Variants in POLR2C observed in about 807,000 individuals in gnomAD.
POLR2C encodes DNA-directed RNA polymerase II subunit RPB3.
In POLR2C, 36 loss-of-function variants were observed where a neutral mutation model predicts 41.7. The ratio of observed to expected loss-of-function variants is 0.86; its 90% CI spans 0.66 to 1.14. The LOEUF (loss-of-function observed/expected upper bound fraction) is 1.14. Ranked by LOEUF, POLR2C falls within the 50% of genes most tolerant of loss-of-function variation. The pLI, the probability that POLR2C is intolerant of heterozygous loss-of-function variation, is 0.00. For missense variants in POLR2C, 260 were observed against 350.4 expected, an observed-to-expected ratio of 0.74 and a Z score of 2.06; for synonymous variants, 133 against 137.8, an observed-to-expected ratio of 0.96 and a Z score of 0.25.
chr16:57,463,679 C>G (rs564070579), intron 2 of POLR2C: 1 of 452,710 alleles, frequency 2.2e-6, no homozygotes, highest in East Asian at 7.1e-5. Context: ...AGGCCGCGCT[C>G]GCGCCTGTAA....
chr16:57,462,900 G>A, intron 1 of POLR2C, 90 bp downstream of exon 1: 1 of 1,154,242 alleles, frequency 8.7e-7, no homozygotes, highest in Non-Finnish European at 1.3e-6. Context: ...GTGTAGTGGG[G>A]TGGGGTGGGG....
At position 57,471,788 on chromosome 16, in the gene POLR2C, C is replaced by A; in HGVS notation, c.*669C>A. 6.6e-6 allele frequency: 1 copy of A among 151,062 alleles called. No homozygotes were observed. Among genetic ancestry groups the A allele is most frequent in the South Asian group, 2.1e-4 (1 of 4,832 alleles). The allele number at this position is 151,062 out of a possible 1,614,324, so 9.4% of individuals were successfully genotyped here. ...GGAAGCAGCCGCAGGAGCAAGGGCCCCTCCCACATACACAGGAGGAGTATT... is the reference window on the plus strand; with the variant it reads ...GGAAGCAGCCGCAGGAGCAAGGGCCACTCCCACATACACAGGAGGAGTATT... On this transcript the variant is annotated 3_prime_UTR_variant, in exon 9 of 9. Coordinates refer to ENST00000219252, the MANE Select transcript of POLR2C (RefSeq NM_032940.3).
chr16:57,471,154 C>T lies in POLR2C; in HGVS notation c.*35C>T. On this transcript the variant is annotated 3_prime_UTR_variant, in exon 9 of 9. Coordinates refer to ENST00000219252, the MANE Select transcript of POLR2C (RefSeq NM_032940.3). ...GCCTGCTTCAGCAAAAACGGAGATT[C>T]AGGCCAGCAGCTGGATATGGGGGTC... is the stretch of plus-strand genomic sequence containing the variant. 4 of 1,596,262 alleles carry T rather than the reference C, an allele frequency of 2.5e-6. No homozygotes were observed. The highest frequency in any genetic ancestry group is 3.4e-6 in the Non-Finnish European group (4 of 1,164,566).
chr16:57,464,719 C>A (rs1248888259), intron 2 of POLR2C, among the ~76,000 whole-genome samples: 1 of 144,640 alleles, frequency 6.9e-6, no homozygotes, highest in Non-Finnish European at 1.5e-5. Context: ...GGACCTCCCC[C>A]TGCCTAAGCA....
At chr16:57,462,973 G>T in intron 1 of POLR2C, 56 bp from the exon 2 acceptor site, 1 of 1,525,588 alleles carries the variant, frequency 6.6e-7, no homozygotes, top group Non-Finnish European at 9.1e-7. Context: ...CTGCGGCGCG[G>T]GCCCAGCCTG....
At chr16:57,463,368 C>A in intron 2 of POLR2C, 2 of 554,438 alleles carry the variant, frequency 3.6e-6, no homozygotes. Flanking sequence ...ACTATTGTTA[C>A]AAAAGTTTTT....
chr16:57,465,323 T>C (rs543956110), intron 2 of POLR2C, among the ~76,000 whole-genome samples: 19 of 152,298 alleles, frequency 1.2e-4, no homozygotes, highest in Non-Finnish European at 1.5e-4. Flanking sequence ...CTGGATTTAG[T>C]TGGTTCCATG....
intron 2 of POLR2C, chr16:57,464,119 C>T (rs2030648177): frequency 6.4e-6 from 1 of 155,204 alleles, no homozygotes; most frequent in African/African-American, 2.4e-5. Flanking sequence ...ACTAATGATC[C>T]TTATCAGGGT....
intron 4 of POLR2C, among the ~76,000 whole-genome samples, chr16:57,468,470 G>C (rs1039077485): frequency 6.6e-6 from 1 of 152,154 alleles, no homozygotes; most frequent in South Asian, 2.1e-4. Flanking sequence ...TTTCCTCACT[G>C]GTGTGAGGGA....
At position 57,469,741 on chromosome 16, in the gene POLR2C, A is replaced by G. The variant is rs1380523447; in HGVS notation, c.419A>G (p.Asn140Ser). 4.3e-6 allele frequency: 7 copies of G among 1,614,042 alleles called. No individual in the cohort carries two copies. Among genetic ancestry groups the G allele is most frequent in the Non-Finnish European group, 4.2e-6 (5 of 1,179,896 alleles). The change falls in exon 6 of 9, where the codon AAT (asparagine) becomes AGT (serine). Residue 140 changes from asparagine (N) to serine (S), a missense_variant. Coordinates refer to ENST00000219252, the MANE Select transcript of POLR2C (RefSeq NM_032940.3). The surrounding 1 kb of genome is among the most constrained non-coding windows in gnomAD (Gnocchi z 5.8). ...VTSRNRDNDP[N>S]DYVEQDDILI... ...TCCCGGAACCGAGATAATGACCCCA[A>G]TGACTACGTGGAGCAGGATGGTAAG... is the stretch of plus-strand genomic sequence containing the variant.
Position 57,467,641 on chromosome 16 carries a change from T to C in POLR2C, c.258+1414T>C, listed in dbSNP as rs186759775. Among the ~76,000 whole-genome samples, 8 of 152,030 alleles carry C rather than the reference T, an allele frequency of 5.3e-5. No individual in the cohort carries two copies. The East Asian group carries it at 1.5e-3, about 29-fold the overall frequency. ...TTTTACATTTGCTTTATTTTTCATATGCAAATTGTTATTTTTGCTGAACTG... is the reference window on the plus strand; with the variant it reads ...TTTTACATTTGCTTTATTTTTCATACGCAAATTGTTATTTTTGCTGAACTG... On this transcript the variant is annotated intron_variant, in intron 4 of 8. Transcript: ENST00000219252.
intron 8 of POLR2C, 24 bp from the exon 9 acceptor site, chr16:57,470,951 A>G (rs2030820428): frequency 6.2e-7 from 1 of 1,610,690 alleles, no homozygotes. Context: ...CTCGCAGTGC[A>G]CTCACTGGAC....
At chr16:57,464,673 C>A (rs1462810281) in intron 2 of POLR2C, among the ~76,000 whole-genome samples, 1 of 133,502 alleles carries the variant, frequency 7.5e-6, no homozygotes, top group African/African-American at 2.7e-5. Context: ...CACCCCCCCG[C>A]CCCCCAGTCA....
intron 2 of POLR2C, among the ~76,000 whole-genome samples, chr16:57,464,217 A>G (rs574789737): frequency 1.3e-5 from 2 of 152,292 alleles, no homozygotes; most frequent in Admixed American, 6.5e-5. Flanking sequence ...TTATTAATCT[A>G]TTCCTTCAAC....
chr16:57,471,988 A>G lies in POLR2C; in HGVS notation c.*869A>G, dbSNP rs1187224502. ...TTTTTAAAAGTGTTTATTTTTGGCA[A>G]TAAAGAGCACAACATAATCTCCTTC... On this transcript the variant is annotated 3_prime_UTR_variant, in exon 9 of 9. Transcript: ENST00000219252. 2 of 152,772 alleles carry G rather than the reference A, an allele frequency of 1.3e-5. No individual in the cohort carries two copies. The highest frequency in any genetic ancestry group is 2.9e-5 in the Non-Finnish European group (2 of 68,040). 9.5% of individuals were successfully genotyped at this position (152,772 alleles called of 1,614,324 possible).
At position 57,471,155 on chromosome 16, in the gene POLR2C, A is replaced by G. The variant is rs1364672355; in HGVS notation, c.*36A>G. 6.3e-7 allele frequency: 1 copy of G among 1,596,748 alleles called. No homozygotes were observed. The highest frequency in any genetic ancestry group is 8.6e-7 in the Non-Finnish European group (1 of 1,164,882). Reference sequence around the variant, plus strand: ...CCTGCTTCAGCAAAAACGGAGATTCAGGCCAGCAGCTGGATATGGGGGTCT... The same window carrying G: ...CCTGCTTCAGCAAAAACGGAGATTCGGGCCAGCAGCTGGATATGGGGGTCT... On this transcript the variant is annotated 3_prime_UTR_variant, in exon 9 of 9. Coordinates refer to ENST00000219252, the MANE Select transcript of POLR2C (RefSeq NM_032940.3).
intron 4 of POLR2C, among the ~76,000 whole-genome samples, chr16:57,466,770 C>T (rs962873901): frequency 6.6e-6 from 1 of 152,088 alleles, no homozygotes; most frequent in East Asian, 1.9e-4. Context: ...GGATAGGAGT[C>T]GGTTACCTTC....
intron 1 of POLR2C, 21 bp from the exon 2 acceptor site, chr16:57,463,008 C>T (rs1247936598): frequency 1.2e-6 from 2 of 1,610,860 alleles, no homozygotes; most frequent in Admixed American, 1.7e-5. Flanking sequence ...CCTTCACGCC[C>T]CTTGGCTTTT....
chr16:57,463,588 G>A (rs2146598060), intron 2 of POLR2C: 1 of 445,660 alleles, frequency 2.2e-6, no homozygotes, highest in African/African-American at 2.0e-5. Context: ...TCATCTTTAT[G>A]TCCGTGCGTA....
Sources: allele counts gnomAD v4.1 joint callset (sites outside exome capture counted in the v4.1 genomes callset), GRCh38; gene constraint gnomAD v4.1.1; non-coding constraint Gnocchi (gnomAD v3.1); transcripts MANE v1.5; gene names NCBI Gene and HGNC (gene_info 2026-07-23, HGNC 2026-07-21).